Variants in RABGEF1 observed in about 807,000 individuals in gnomAD.
The protein encoded by RABGEF1 is rab5 GDP/GTP exchange factor.
In RABGEF1, 26 loss-of-function variants were observed where a neutral mutation model predicts 57.3. The ratio of observed to expected loss-of-function variants is 0.45; its 90% CI spans 0.33 to 0.63. RABGEF1 has a LOEUF of 0.63. Among genes scored for constraint, RABGEF1 ranks in the 20% least tolerant of loss-of-function variants. The pLI, the probability that RABGEF1 is intolerant of heterozygous loss-of-function variation, is 0.02. For missense variants in RABGEF1, 464 were observed against 607.6 expected (o/e 0.76, Z 2.48); for synonymous variants, 185 against 210.7 (o/e 0.88, Z 1.06).
chr7:66,771,079 G>A (rs1806994313), intron 1 of RABGEF1, among the ~76,000 whole-genome samples: 1 of 152,024 alleles, frequency 6.6e-6, no homozygotes, highest in Admixed American at 6.6e-5. Flanking sequence ...CCCATTCTGT[G>A]TGTTGTTCCT....
intron 1 of RABGEF1, among the ~76,000 whole-genome samples, chr7:66,687,057 G>A (rs972060775): frequency 4.7e-5 from 7 of 148,148 alleles, no homozygotes; most frequent in South Asian, 4.2e-4. Context: ...TCCTGACCTC[G>A]TGATCTGCCA....
the RABGEF1 span, chr7:66,665,408 T>C: frequency 6.6e-6 from 1 of 152,022 alleles, no homozygotes; most frequent in Non-Finnish European, 1.5e-5. Context: ...CTTCCCAAAG[T>C]ACTGGGATGA....
intron 5 of RABGEF1, among the ~76,000 whole-genome samples, chr7:66,796,284 A>G (rs1243790989): frequency 6.6e-6 from 1 of 152,200 alleles, no homozygotes; most frequent in Non-Finnish European, 1.5e-5. Context: ...TATGGATTCA[A>G]CCTTCACTGA....
the RABGEF1 span, among the ~76,000 whole-genome samples, chr7:66,658,826 C>G: frequency 6.6e-6 from 1 of 152,028 alleles, no homozygotes; most frequent in Non-Finnish European, 1.5e-5. Flanking sequence ...AGCTCTGGCT[C>G]CCGGGTTCAC....
intron 2 of RABGEF1, among the ~76,000 whole-genome samples, chr7:66,715,300 A>T (rs188762182): frequency 4.6e-5 from 7 of 152,098 alleles, no homozygotes; most frequent in East Asian, 1.9e-4. Context: ...GCTAATTTTT[A>T]AAAAAATTTT....
chr7:66,776,364 T>G (rs185212603), intron 3 of RABGEF1, among the ~76,000 whole-genome samples: 17 of 152,314 alleles, frequency 1.1e-4, no homozygotes, highest in Non-Finnish European at 2.9e-5. Flanking sequence ...TAAAAGGAAA[T>G]ATTGCTCATA....
At chr7:66,705,405 C>A (rs1241759275) in intron 1 of RABGEF1, among the ~76,000 whole-genome samples, 1 of 137,662 alleles carries the variant, frequency 7.3e-6, no homozygotes, top group Non-Finnish European at 1.5e-5. Flanking sequence ...CCACTGCACT[C>A]CAGCCTGGGC....
chr7:66,772,188 T>C (rs1402920492), intron 2 of RABGEF1, 110 bp downstream of exon 2: 11 of 860,412 alleles, frequency 1.3e-5, no homozygotes, highest in Non-Finnish European at 1.8e-5. Flanking sequence ...AGCAAGTCAG[T>C]TTAATATTAA....
the RABGEF1 span, among the ~76,000 whole-genome samples, chr7:66,658,029 T>A: frequency 1.3e-5 from 2 of 152,046 alleles, no homozygotes; most frequent in African/African-American, 4.8e-5. Flanking sequence ...ATTGACAAAT[T>A]TTTAGCTAGA....
intron 3 of RABGEF1, among the ~76,000 whole-genome samples, 196 bp from the exon 4 acceptor site, chr7:66,783,479 C>T (rs1401455881): frequency 1.3e-5 from 2 of 152,188 alleles, no homozygotes; most frequent in East Asian, 1.9e-4. Flanking sequence ...GTTTTGTCTA[C>T]TCATACTTCC....
At chr7:66,705,011 A>G (rs1268459641) in intron 1 of RABGEF1, among the ~76,000 whole-genome samples, 1 of 152,140 alleles carries the variant, frequency 6.6e-6, no homozygotes, top group African/African-American at 2.4e-5. Flanking sequence ...ATGTTTTGTT[A>G]CATGTATACC....
intron 2 of RABGEF1, among the ~76,000 whole-genome samples, chr7:66,730,684 A>G (rs1305583459): frequency 6.6e-6 from 1 of 151,712 alleles, no homozygotes; most frequent in African/African-American, 2.4e-5. Flanking sequence ...CAGCCTCCCA[A>G]GTAACTGGGA....
chr7:66,801,262 T>C (rs773648857), intron 7 of RABGEF1, among the ~76,000 whole-genome samples: 2 of 152,186 alleles, frequency 1.3e-5, no homozygotes, highest in Non-Finnish European at 2.9e-5. Context: ...AATTTTTATG[T>C]GTACATAATA....
At chr7:66,757,351 C>G (rs1177361954) in intron 1 of RABGEF1, among the ~76,000 whole-genome samples, 1 of 152,084 alleles carries the variant, frequency 6.6e-6, no homozygotes, top group East Asian at 1.9e-4. Context: ...AATGTGAATT[C>G]TTTTTTAAAG....
rs184043477 is a variant in RABGEF1 at position 66,703,435 on chromosome 7, G to A, written c.-872-8732G>A. Among the ~76,000 whole-genome samples, 728 of 152,208 alleles carry A rather than the reference G, an allele frequency of 4.8e-3. 4 individuals carry two copies. Among genetic ancestry groups the A allele is most frequent in the Non-Finnish European group, 6.5e-3 (445 of 68,020 alleles). ...CTACAATTTTAGCTCTCACAGTTAGGTCTTTTATCCATTTTGAATTATGAT... is the reference window on the plus strand; with the variant it reads ...CTACAATTTTAGCTCTCACAGTTAGATCTTTTATCCATTTTGAATTATGAT... On this transcript the variant is annotated intron_variant and NMD_transcript_variant, in intron 1 of 9. Transcript: ENST00000607882.
chr7:66,665,767 G>T, the RABGEF1 span, among the ~76,000 whole-genome samples: 1 of 152,186 alleles, frequency 6.6e-6, no homozygotes, highest in African/African-American at 2.4e-5. Context: ...GGGGTGGCCT[G>T]GTCCCTTGGC....
intron 2 of RABGEF1, among the ~76,000 whole-genome samples, chr7:66,726,332 G>C (rs1796579955): frequency 6.6e-6 from 1 of 152,110 alleles, no homozygotes; most frequent in South Asian, 2.1e-4. Context: ...CAGGCTCAAA[G>C]ACCAGGAGGC....
chr7:66,749,933 C>T (rs1376482985), intron 1 of RABGEF1, among the ~76,000 whole-genome samples: 1 of 152,126 alleles, frequency 6.6e-6, no homozygotes, highest in Non-Finnish European at 1.5e-5. Flanking sequence ...GAGATCGCAC[C>T]ACTGCACTCC....
chr7:66,762,935 T>G (rs1804798412), intron 1 of RABGEF1, among the ~76,000 whole-genome samples: 1 of 152,218 alleles, frequency 6.6e-6, no homozygotes, highest in Non-Finnish European at 1.5e-5. Flanking sequence ...TGGAATAGCA[T>G]GTGCAAAGGC....
Sources: gnomAD v4.1 joint callset for allele counts (sites outside exome capture counted in the v4.1 genomes callset) on GRCh38, gnomAD v4.1.1 for gene constraint, MANE v1.5 for transcripts, NCBI Gene and HGNC (gene_info 2026-07-23, HGNC 2026-07-21) for gene names.